The following KCNIP4 variants were observed in gnomAD, a reference collection of about 807,000 sequenced individuals.
KCNIP4 encodes Kv channel-interacting protein 4.
In KCNIP4, 12 loss-of-function variants were observed where a neutral mutation model predicts 34.0. The ratio of observed to expected loss-of-function variants is 0.35; its 90% CI spans 0.23 to 0.57. The LOEUF is 0.57. KCNIP4 is among the 20% of genes least tolerant of loss of function. KCNIP4 has a pLI of 0.83. For synonymous variants in KCNIP4, 124 were observed against 102.2 expected (o/e 1.21, Z -1.29); for missense variants, 238 against 311.7 (o/e 0.76, Z 1.78).
intron 3 of KCNIP4, among the ~76,000 whole-genome samples, chr4:20,770,721 G>T (rs1394801821): frequency 2.0e-5 from 3 of 152,128 alleles, no homozygotes; most frequent in African/African-American, 7.2e-5. Context: ...ATCACCTGAG[G>T]TCAGGAGTTG....
intron 1 of KCNIP4, among the ~76,000 whole-genome samples, chr4:21,624,209 T>A (rs1449584025): frequency 2.6e-5 from 4 of 152,208 alleles, no homozygotes; most frequent in Non-Finnish European, 4.4e-5. Flanking sequence ...CCAAGTCAGC[T>A]TTATAATATA....
At chr4:21,691,428 C>T (rs1281744577) in intron 1 of KCNIP4, among the ~76,000 whole-genome samples, 2 of 152,102 alleles carry the variant, frequency 1.3e-5, no homozygotes, top group Non-Finnish European at 2.9e-5. Context: ...TTACTGTTAC[C>T]AGCTGGAGCA....
At chr4:21,576,413 T>C (rs1740745440) in intron 1 of KCNIP4, among the ~76,000 whole-genome samples, 1 of 152,138 alleles carries the variant, frequency 6.6e-6, no homozygotes, top group Admixed American at 6.5e-5. Context: ...TTTCTGCTAA[T>C]GCCGAAAAAC....
rs147157557 is a variant in KCNIP4 at position 21,523,670 on chromosome 4, C to G, written c.61+424901G>C. 2.1e-3 allele frequency among the ~76,000 whole-genome samples: 322 copies of G among 152,170 alleles called. 2 individuals are homozygous for G. Among genetic ancestry groups the G allele is most frequent in the African/African-American group, 7.5e-3 (311 of 41,532 alleles). On this transcript the variant is annotated intron_variant, in intron 1 of 8. Transcript: ENST00000382152. Reference sequence around the variant, plus strand: ...CACTGACACCTCAAACTCTTGAGCTCAAGTGATCCTCCTGCCTCAGCCTCA... The same window carrying G: ...CACTGACACCTCAAACTCTTGAGCTGAAGTGATCCTCCTGCCTCAGCCTCA...
intron 3 of KCNIP4, among the ~76,000 whole-genome samples, chr4:20,785,861 T>C (rs868809548): frequency 1.3e-5 from 2 of 152,070 alleles, no homozygotes; most frequent in Admixed American, 6.6e-5. Context: ...GAATGTAACT[T>C]GGTGCAGCCA....
At chr4:20,945,983 A>G (rs996383164) in intron 1 of KCNIP4, among the ~76,000 whole-genome samples, 2 of 152,220 alleles carry the variant, frequency 1.3e-5, no homozygotes, top group African/African-American at 4.8e-5. Context: ...GAGAAGAGAA[A>G]GAGGATAAAC....
chr4:21,369,356 G>C (rs1170866895), intron 1 of KCNIP4, among the ~76,000 whole-genome samples: 1 of 147,230 alleles, frequency 6.8e-6, no homozygotes, highest in Non-Finnish European at 1.5e-5. Flanking sequence ...GATTCCAGAA[G>C]TTTAGTAGGG....
chr4:21,496,611 C>T (rs1732871484), intron 1 of KCNIP4, among the ~76,000 whole-genome samples: 1 of 152,186 alleles, frequency 6.6e-6, no homozygotes, highest in East Asian at 1.9e-4. Context: ...AGTAGCCTCC[C>T]ATTGCCTACC....
intron 1 of KCNIP4, among the ~76,000 whole-genome samples, chr4:21,453,758 C>T (rs542805429): frequency 1.6e-3 from 249 of 152,208 alleles, no homozygotes; most frequent in Non-Finnish European, 2.9e-3. Flanking sequence ...CAAGTTATGT[C>T]TTCTTAAATT....
chr4:20,858,799 A>G (rs992104106), intron 2 of KCNIP4, among the ~76,000 whole-genome samples: 1 of 152,186 alleles, frequency 6.6e-6, no homozygotes, highest in African/African-American at 2.4e-5. Flanking sequence ...TTTAATACAG[A>G]CAGAAGTTCA....
At chr4:21,586,393 C>T (rs538447354) in intron 1 of KCNIP4, among the ~76,000 whole-genome samples, 1 of 152,062 alleles carries the variant, frequency 6.6e-6, no homozygotes, top group African/African-American at 2.4e-5. Flanking sequence ...TGTCAGAGTT[C>T]CAGCATCTAA....
intron 1 of KCNIP4, among the ~76,000 whole-genome samples, chr4:21,489,873 GA>G (rs997642403): frequency 1.3e-4 from 20 of 151,758 alleles, no homozygotes; most frequent in African/African-American, 4.6e-4. Context: ...CAGACTTGAT[GA>G]AAAAAAATAT....
intron 1 of KCNIP4, among the ~76,000 whole-genome samples, chr4:21,739,164 T>C (rs868226727): frequency 6.6e-6 from 1 of 152,080 alleles, no homozygotes; most frequent in East Asian, 1.9e-4. Context: ...TCATAAAAGA[T>C]TGAATCTCCG....
Position 21,731,892 on chromosome 4 carries a change from C to T in KCNIP4, c.61+216679G>A, listed in dbSNP as rs184969947. 8.7e-3 allele frequency among the ~76,000 whole-genome samples: 1,327 copies of T among 152,162 alleles called. 18 individuals carry two copies. Among genetic ancestry groups the T allele is most frequent in the South Asian group, 0.039 (186 of 4,820 alleles). On this transcript the variant is annotated intron_variant, in intron 1 of 8. Transcript: ENST00000382152. ...GACCTCCACCAAAAAATCAGAACAG[C>T]TAAGACAACTTGAGAGAAAGGGCAG... is the stretch of plus-strand genomic sequence containing the variant.
intron 1 of KCNIP4, chr4:21,762,953 G>C: frequency 7.8e-7 from 1 of 1,288,850 alleles, no homozygotes; most frequent in Non-Finnish European, 1.0e-6. Flanking sequence ...CACTTCCGAA[G>C]TCTCCCTCTG....
intron 1 of KCNIP4, among the ~76,000 whole-genome samples, chr4:21,661,506 G>A (rs1390473175): frequency 6.6e-6 from 1 of 152,148 alleles, no homozygotes; most frequent in Admixed American, 6.6e-5. Context: ...TAAGGGGTTT[G>A]AGCATGCCAC....
intron 1 of KCNIP4, among the ~76,000 whole-genome samples, chr4:21,908,679 A>G (rs760231095): frequency 4.6e-5 from 7 of 152,196 alleles, no homozygotes; most frequent in Non-Finnish European, 1.0e-4. Flanking sequence ...GTTAGGGATC[A>G]TTCAGTTCCT....
At chr4:21,745,891 T>G (rs1716744455) in intron 1 of KCNIP4, among the ~76,000 whole-genome samples, 1 of 152,060 alleles carries the variant, frequency 6.6e-6, no homozygotes, top group Non-Finnish European at 1.5e-5. Flanking sequence ...AATAAATAAA[T>G]AGGTAAAAAA....
intron 1 of KCNIP4, among the ~76,000 whole-genome samples, chr4:21,475,377 A>G (rs1358105448): frequency 6.6e-6 from 1 of 152,148 alleles, no homozygotes; most frequent in East Asian, 1.9e-4. Context: ...CGGAGCCCAG[A>G]CCACCGTACC....
Sources: gnomAD v4.1 joint callset for allele counts (sites outside exome capture counted in the v4.1 genomes callset) on GRCh38, gnomAD v4.1.1 for gene constraint, MANE v1.5 for transcripts, NCBI Gene and HGNC (gene_info 2026-07-23, HGNC 2026-07-21) for gene names.